Variants in RAD54L2 observed in about 807,000 individuals in gnomAD.
The protein encoded by RAD54L2 is helicase ARIP4.
A neutral mutation model predicts 138.4 loss-of-function variants in RAD54L2; 27 were observed. The ratio of observed to expected loss-of-function variants is 0.20; its 90% CI spans 0.14 to 0.27. The LOEUF is 0.27. Ranked by LOEUF, RAD54L2 falls within the 10% of genes least tolerant of loss-of-function variation. The pLI is 1.00. For synonymous variants in RAD54L2, 644 were observed against 723.2 expected (o/e 0.89, Z 1.76); for missense variants, 1,396 against 1,890.2 (o/e 0.74, Z 4.85).
chr3:51,661,861 C>CT (rs1701785248), intron 22 of RAD54L2, among the ~76,000 whole-genome samples: 2 of 152,086 alleles, frequency 1.3e-5, no homozygotes, highest in Non-Finnish European at 2.9e-5. Context: ...CATTTTATCT[C>CT]TAAGTACTTC....
chr3:51,549,638 C>T (rs1225074214), intron 2 of RAD54L2, among the ~76,000 whole-genome samples: 2 of 151,892 alleles, frequency 1.3e-5, no homozygotes, highest in African/African-American at 2.4e-5. Flanking sequence ...ATTAGCCAGA[C>T]GAGGTGGTAC....
chr3:51,540,456 C>A (rs141844104), intron 1 of RAD54L2, among the ~76,000 whole-genome samples: 2 of 152,332 alleles, frequency 1.3e-5, no homozygotes, highest in South Asian at 4.1e-4. Flanking sequence ...AAAGACAGTA[C>A]GCAAACTCCA....
At position 51,635,520 on chromosome 3, in the gene RAD54L2, T is replaced by G. The variant is rs565180821; in HGVS notation, c.1143-73T>G. 32 of 1,446,098 alleles carry G rather than the reference T, an allele frequency of 2.2e-5. No individual in the cohort carries two copies. The East Asian group carries it at 7.4e-4, about 33-fold the overall frequency. 89.6% of individuals were successfully genotyped at this position (1,446,098 alleles called of 1,614,324 possible). A position where few individuals can be genotyped will look rare whatever the true frequency, so the allele number is the denominator to read the frequency against. On this transcript the variant is annotated intron_variant, in intron 9 of 22. Coordinates refer to ENST00000684192, the MANE Select transcript of RAD54L2 (RefSeq NM_015106.4). ...AGCTTTGATTGTGAGCAATTCTTCCTTGGGAGCAGCAGAAACAATAATTCT... is the reference window on the plus strand; with the variant it reads ...AGCTTTGATTGTGAGCAATTCTTCCGTGGGAGCAGCAGAAACAATAATTCT...
chr3:51,539,078 G>A, intron 1 of RAD54L2, among the ~76,000 whole-genome samples, 163 bp downstream of exon 1: 1 of 152,188 alleles, frequency 6.6e-6, no homozygotes, highest in East Asian at 1.9e-4. Flanking sequence ...CCCCCACCCG[G>A]GAAACTCCAG....
chr3:51,590,072 C>T (rs1412821430), intron 2 of RAD54L2, among the ~76,000 whole-genome samples: 2 of 152,152 alleles, frequency 1.3e-5, no homozygotes, highest in African/African-American at 2.4e-5. Context: ...CTCACTGCAA[C>T]CTCTGCCTCC....
At chr3:51,544,886 C>A (rs1553671939) in intron 2 of RAD54L2, among the ~76,000 whole-genome samples, 1 of 152,132 alleles carries the variant, frequency 6.6e-6, no homozygotes. Flanking sequence ...TAGGCATGAA[C>A]CACTGCGCCT....
Position 51,643,977 on chromosome 3 carries a change from G to C in RAD54L2, c.2450+3G>C, listed in dbSNP as rs765516603. 1.3e-6 allele frequency: 2 copies of C among 1,591,398 alleles called. No individual in the cohort carries two copies. Among genetic ancestry groups the C allele is most frequent in the South Asian group, 2.3e-5 (2 of 87,264 alleles). ...TGGCTGTTCCTTCTCTCTACAAGGT[G>C]AGTGGATCCCAAGAGGGGAGGTCAA... On this transcript the variant is annotated splice_donor_region_variant and intron_variant, in intron 16 of 22. Transcript: ENST00000684192.
At chr3:51,618,737 T>G (rs1324931147) in intron 3 of RAD54L2, among the ~76,000 whole-genome samples, 1 of 152,182 alleles carries the variant, frequency 6.6e-6, no homozygotes, top group Non-Finnish European at 1.5e-5. Flanking sequence ...GAGAGGGAAG[T>G]ATATTTTGCA....
intron 2 of RAD54L2, among the ~76,000 whole-genome samples, chr3:51,550,650 A>C (rs1467040545): frequency 6.6e-6 from 1 of 152,126 alleles, no homozygotes; most frequent in Non-Finnish European, 1.5e-5. Context: ...CTGAGGTGGG[A>C]GGATTGCCTG....
intron 3 of RAD54L2, among the ~76,000 whole-genome samples, chr3:51,607,315 G>C (rs954575835): frequency 6.6e-6 from 1 of 151,702 alleles, no homozygotes; most frequent in Non-Finnish European, 1.5e-5. Context: ...GACTCTTAAC[G>C]AGTATGCTGC....
In RAD54L2 at chr3:51,660,070, G is replaced by A. The variant is rs1007957403; in HGVS notation, c.3361G>A (p.Ala1121Thr). ...TSDGRIFAVR[A>T]TGKPKVPEDG... Reference sequence around the variant, plus strand: ...TGATGGACGGATCTTTGCTGTCCGGGCAACTGGCAAACCAAAGGTTCCTGA... The same window carrying A: ...TGATGGACGGATCTTTGCTGTCCGGACAACTGGCAAACCAAAGGTTCCTGA... The change falls in exon 22 of 23, where the codon GCA becomes ACA. Residue 1121 changes from alanine (A) to threonine (T), a missense_variant. Transcript: ENST00000684192. The A allele has an allele frequency of 3.1e-6, 5 of 1,600,056 alleles. No individual in the cohort carries two copies. The highest frequency in any genetic ancestry group is 4.3e-6 in the Non-Finnish European group (5 of 1,168,556).
At chr3:51,632,294 G>T (rs1291820754) in intron 7 of RAD54L2, among the ~76,000 whole-genome samples, 2 of 152,008 alleles carry the variant, frequency 1.3e-5, no homozygotes, top group Non-Finnish European at 2.9e-5. Flanking sequence ...CTCTTCTGTT[G>T]TTGTTGTTGT....
At position 51,645,620 on chromosome 3, in the gene RAD54L2, C is replaced by T; in HGVS notation, c.2686C>T (p.Leu896=). 6.2e-7 allele frequency: 1 copy of T among 1,612,368 alleles called. No individual in the cohort carries two copies. Among genetic ancestry groups the T allele is most frequent in the Non-Finnish European group, 8.5e-7 (1 of 1,179,254 alleles). Residue 896 remains leucine, a synonymous_variant, in exon 18 of 23, where the codon CTG becomes TTG. Coordinates refer to ENST00000684192, the MANE Select transcript of RAD54L2 (RefSeq NM_015106.4). The surrounding 1 kb of genome is among the most constrained non-coding windows in gnomAD (Gnocchi z 6.1). ...DRVVDDLNPM[L]NFTRKEVENL... ...GGTGGTGGATGATCTAAATCCAATGCTGAACTTCACACGGAAAGAGGTGGA... is the reference window on the plus strand; with the variant it reads ...GGTGGTGGATGATCTAAATCCAATGTTGAACTTCACACGGAAAGAGGTGGA...
chr3:51,555,157 A>G (rs1698933305), intron 2 of RAD54L2, among the ~76,000 whole-genome samples: 2 of 152,238 alleles, frequency 1.3e-5, no homozygotes, highest in South Asian at 2.1e-4. Context: ...ACTCCTTTCT[A>G]TTGATTCCAG....
intron 3 of RAD54L2, among the ~76,000 whole-genome samples, chr3:51,607,979 C>G (rs1453777752): frequency 3.3e-5 from 5 of 150,560 alleles, no homozygotes; most frequent in Non-Finnish European, 5.9e-5. Flanking sequence ...GGCTGCCCCC[C>G]ACCTCCCGGG....
intron 2 of RAD54L2, among the ~76,000 whole-genome samples, chr3:51,582,232 T>C (rs1699622811): frequency 6.6e-6 from 1 of 152,130 alleles, no homozygotes; most frequent in East Asian, 1.9e-4. Flanking sequence ...TAAGAAGTTA[T>C]AGCTGTGTGG....
At position 51,637,760 on chromosome 3, in the gene RAD54L2, A is replaced by C. The variant is rs993701899; in HGVS notation, c.1682+257A>C. On this transcript the variant is annotated intron_variant, in intron 11 of 22. Coordinates refer to ENST00000684192, the MANE Select transcript of RAD54L2 (RefSeq NM_015106.4). The surrounding 1 kb of genome is among the most constrained non-coding windows in gnomAD (Gnocchi z 5.9). ...GGAGACACCTGTCTTACTTGCTGAGAGAAGCAAGAAAAAGGTACCATTCTG... is the reference window on the plus strand; with the variant it reads ...GGAGACACCTGTCTTACTTGCTGAGCGAAGCAAGAAAAAGGTACCATTCTG... 2.6e-5 allele frequency among the ~76,000 whole-genome samples: 4 copies of C among 152,250 alleles called. No homozygotes were observed. Among genetic ancestry groups the C allele is most frequent in the Non-Finnish European group, 5.9e-5 (4 of 68,052 alleles).
At chr3:51,555,556 T>C (rs565702345) in intron 2 of RAD54L2, among the ~76,000 whole-genome samples, 13 of 152,140 alleles carry the variant, frequency 8.5e-5, no homozygotes, top group Non-Finnish European at 1.5e-4. Context: ...ACTTGGAGGC[T>C]GAGGTGGGAG....
chr3:51,573,186 C>T (rs765187351), intron 2 of RAD54L2, among the ~76,000 whole-genome samples: 4 of 152,106 alleles, frequency 2.6e-5, no homozygotes, highest in Non-Finnish European at 5.9e-5. Flanking sequence ...TTTCTACCTG[C>T]TTGTGGGGTG....
Sources: allele counts gnomAD v4.1 joint callset (sites outside exome capture counted in the v4.1 genomes callset), GRCh38; gene constraint gnomAD v4.1.1; non-coding constraint Gnocchi (gnomAD v3.1); transcripts MANE v1.5; gene names NCBI Gene and HGNC (gene_info 2026-07-23, HGNC 2026-07-21).